ZNF510: variants seen among roughly 807,000 people sequenced by gnomAD.
ZNF510 encodes the protein zinc finger protein 510.
Under a neutral mutation model 18.1 loss-of-function variants are expected in ZNF510, and 15 were observed. The ratio of observed to expected loss-of-function variants is 0.83; its 90% CI spans 0.55 to 1.28. ZNF510 has a LOEUF of 1.28. Among genes scored for constraint, ZNF510 ranks in the 50% most tolerant of loss-of-function variants. ZNF510 has a pLI of 0.00. For synonymous variants in ZNF510, 261 were observed against 266.4 expected (o/e 0.98, Z 0.20); for missense variants, 724 against 791.8 (o/e 0.91, Z 1.03).
At chr9:96,772,503 A>C (rs1487765250) in intron 3 of ZNF510, among the ~76,000 whole-genome samples, 1 of 152,220 alleles carries the variant, frequency 6.6e-6, no homozygotes, top group Non-Finnish European at 1.5e-5. Flanking sequence ...AAAAACATTT[A>C]CTGAAAATAT....
At chr9:96,777,150 AG>A (rs1419797231) in intron 1 of ZNF510, among the ~76,000 whole-genome samples, 3 of 152,216 alleles carry the variant, frequency 2.0e-5, no homozygotes, top group African/African-American at 7.2e-5. Flanking sequence ...ACAGCACAGG[AG>A]GTGGCAGGGG....
chr9:96,773,638 C>A (rs1382201704), intron 3 of ZNF510, among the ~76,000 whole-genome samples: 1 of 151,716 alleles, frequency 6.6e-6, no homozygotes, highest in South Asian at 2.1e-4. Context: ...TGCAGTAGCA[C>A]GATCTCAGCT....
At chr9:96,764,506 G>A (rs1272737410) in intron 3 of ZNF510, among the ~76,000 whole-genome samples, 1 of 152,178 alleles carries the variant, frequency 6.6e-6, no homozygotes, top group Non-Finnish European at 1.5e-5. Flanking sequence ...CAATCATGTT[G>A]CATTGTTTAT....
rs114413082 is a variant in ZNF510, at chr9:96,759,288, T to C, written c.1542A>G (p.Lys514=). The change falls in exon 6 of 6, where the codon AAA becomes AAG. Residue 514 remains lysine, a synonymous_variant. Coordinates refer to ENST00000223428, the MANE Select transcript of ZNF510 (RefSeq NM_014930.3). The stretch of plus-strand genomic sequence containing the variant: ...TTCCACATTGATTGCATTGAAAGGA[T>C]TTCTCCCCTGTGTGAATTCTGTGAT... The part of the protein sequence containing the change: ...RDHHRIHTGE[K]SFQCNQCGKT... 3.3e-4 allele frequency: 532 copies of C among 1,614,116 alleles called. 2 individuals carry two copies. The African/African-American group carries it at 6.4e-3, about 19-fold the overall frequency.
intron 3 of ZNF510, among the ~76,000 whole-genome samples, chr9:96,773,778 G>A (rs893563040): frequency 3.3e-5 from 5 of 152,280 alleles, no homozygotes; most frequent in Admixed American, 2.0e-4. Flanking sequence ...GTTTCACCAC[G>A]TTGGCCAGGC....
At chr9:96,774,478 T>C (rs1254190902) in intron 3 of ZNF510, among the ~76,000 whole-genome samples, 1 of 152,214 alleles carries the variant, frequency 6.6e-6, no homozygotes, top group Admixed American at 6.5e-5. Flanking sequence ...CTGACTTTGA[T>C]AACTTTAGAT....
intron 5 of ZNF510, among the ~76,000 whole-genome samples, chr9:96,762,109 C>CTT (rs1849359556): frequency 6.7e-6 from 1 of 150,106 alleles, no homozygotes; most frequent in Admixed American, 6.7e-5. Flanking sequence ...GTGTATACTG[C>CTT]TTGGGTGATG....
intron 2 of ZNF510, 37 bp downstream of exon 2, chr9:96,775,963 G>A: frequency 6.3e-7 from 1 of 1,586,996 alleles, no homozygotes; most frequent in Admixed American, 1.8e-5. Context: ...TTCCTGTGCA[G>A]TCTGACAGTC....
intron 3 of ZNF510, among the ~76,000 whole-genome samples, chr9:96,772,059 T>C (rs1471596829): frequency 3.9e-5 from 6 of 152,136 alleles, no homozygotes; most frequent in Admixed American, 2.0e-4. Flanking sequence ...GACAGTGAAG[T>C]ACTAGCAAAA....
intron 5 of ZNF510, among the ~76,000 whole-genome samples, chr9:96,761,547 T>A (rs1564435682): frequency 6.6e-6 from 1 of 152,160 alleles, no homozygotes; most frequent in Non-Finnish European, 1.5e-5. Context: ...AATCCCTGTT[T>A]ACCTATGCTT....
rs1849300286 is a variant in ZNF510, at chr9:96,759,766, T to C, written c.1064A>G (p.Gln355Arg). 1.9e-6 allele frequency: 3 copies of C among 1,613,964 alleles called. No individual in the cohort carries two copies. The African/African-American group carries it at 4.0e-5, about 22-fold the overall frequency. The change falls in exon 6 of 6, where the codon CAA becomes CGA. Residue 355 changes from glutamine to arginine, a missense_variant. Physicochemically the swap from Gln to Arg is conservative, Grantham distance 43. Transcript: ENST00000223428. ...TGGGTTCTCTTCTATGACAGCTGTT[T>C]GAGGATCAGTGAGGTGTGCCTTTCT... ...FNRKAHLTDP[Q>R]TAVIEENPLV... is the part of the protein sequence containing the mutation.
chr9:96,772,106 G>C (rs1170718271), intron 3 of ZNF510, among the ~76,000 whole-genome samples: 1 of 152,144 alleles, frequency 6.6e-6, no homozygotes. Flanking sequence ...AAAATATACA[G>C]TCTACATTAG....
chr9:96,775,811 A>T (rs1327029394), intron 2 of ZNF510, among the ~76,000 whole-genome samples, 189 bp downstream of exon 2: 2 of 152,226 alleles, frequency 1.3e-5, no homozygotes, highest in Non-Finnish European at 2.9e-5. Flanking sequence ...GTTGTGTGAG[A>T]GTGACTCAGA....
At chr9:96,766,845 G>GAATC (rs1215859718) in intron 3 of ZNF510, among the ~76,000 whole-genome samples, 2 of 152,086 alleles carry the variant, frequency 1.3e-5, no homozygotes, top group Non-Finnish European at 2.9e-5. Context: ...CCTGCAGGGA[G>GAATC]AATCAGGATG....
At position 96,760,331 on chromosome 9, in the gene ZNF510, C is replaced by T. The variant is rs752114367; in HGVS notation, c.499G>A (p.Val167Ile). 57 of 1,613,718 alleles carry T rather than the reference C, an allele frequency of 3.5e-5. No individual in the cohort carries two copies. Among genetic ancestry groups the T allele is most frequent in the Non-Finnish European group, 4.5e-5 (53 of 1,179,858 alleles). Residue 167 changes from valine (V) to isoleucine (I), a missense_variant, in exon 6 of 6, where the codon GTT (valine) becomes ATT (isoleucine). Val to Ile is a conservative substitution (Grantham distance 29). Coordinates refer to ENST00000223428, the MANE Select transcript of ZNF510 (RefSeq NM_014930.3). ...GKPFTLHVAA[V>I]ASTKMSCKCN... is the part of the protein sequence containing the mutation. Reference sequence around the variant, plus strand: ...TTGCAGGACATTTTTGTTGAAGCAACAGCAGCTACATGCAGAGTAAATGGT... The same window carrying T: ...TTGCAGGACATTTTTGTTGAAGCAATAGCAGCTACATGCAGAGTAAATGGT...
intron 3 of ZNF510, among the ~76,000 whole-genome samples, chr9:96,764,281 A>C (rs1849420125): frequency 6.6e-6 from 1 of 152,240 alleles, no homozygotes; most frequent in Non-Finnish European, 1.5e-5. Context: ...AGGAGTCAGC[A>C]AATTATGGCC....
chr9:96,777,326 G>T (rs904141063), intron 1 of ZNF510, among the ~76,000 whole-genome samples: 1 of 152,176 alleles, frequency 6.6e-6, no homozygotes, highest in Non-Finnish European at 1.5e-5. Context: ...TAGGTAGGTA[G>T]GCCATTACAA....
At chr9:96,775,744 T>A (rs539990811) in intron 2 of ZNF510, among the ~76,000 whole-genome samples, 62 of 152,228 alleles carry the variant, frequency 4.1e-4, no homozygotes, top group Non-Finnish European at 7.5e-4. Context: ...TTTGTGATTC[T>A]ACAGGTTCAG....
At position 96,755,172 on chromosome 9, in the gene ZNF510, C is replaced by G. The variant is rs12346194; in HGVS notation, c.*3606G>C. Among the ~76,000 whole-genome samples, 9,883 of 152,282 alleles carry G rather than the reference C, an allele frequency of 0.065. 1,075 individuals are homozygous for G. Among genetic ancestry groups the G allele is most frequent in the African/African-American group, 0.22 (9,288 of 41,524 alleles). On this transcript the variant is annotated 3_prime_UTR_variant, in exon 6 of 6. Transcript: ENST00000223428. ...GGCCTCCCAATGACTCAGGCCACCT[C>G]GGTGAATCAGTTCCACCCTACAGGG...
Sources: allele counts gnomAD v4.1 joint callset (sites outside exome capture counted in the v4.1 genomes callset), GRCh38; gene constraint gnomAD v4.1.1; transcripts MANE v1.5; gene names NCBI Gene and HGNC (gene_info 2026-07-23, HGNC 2026-07-21).